The following PRKN variants were observed in gnomAD, a reference collection of about 807,000 sequenced individuals.
The protein encoded by PRKN is parkin RBR E3 ubiquitin protein ligase.
Under a neutral mutation model 59.5 loss-of-function variants are expected in PRKN, and 56 were observed. The ratio of observed to expected loss-of-function variants is 0.94; its 90% CI spans 0.76 to 1.18. The LOEUF (loss-of-function observed/expected upper bound fraction) is 1.18. Ranked by LOEUF, PRKN falls within the 50% of genes most tolerant of loss-of-function variation. PRKN has a pLI of 0.00. For missense variants in PRKN, 657 were observed against 596.4 expected (o/e 1.10, Z -1.06); for synonymous variants, 250 against 222.1 (o/e 1.13, Z -1.12).
At chr6:161,638,138 G>GT (rs201712962) in intron 7 of PRKN, among the ~76,000 whole-genome samples, 7,833 of 146,872 alleles carry the variant, frequency 0.053, 306 homozygotes, top group South Asian at 0.097. Context: ...TTCACCCCTG[G>GT]TTTTTTTTTT....
intron 7 of PRKN, among the ~76,000 whole-genome samples, chr6:161,573,125 CAGG>C (rs1299746585): frequency 6.6e-6 from 1 of 152,118 alleles, no homozygotes; most frequent in Non-Finnish European, 1.5e-5. Flanking sequence ...GGTAGAGTCA[CAGG>C]AGAAGTTGTG....
intron 1 of PRKN, among the ~76,000 whole-genome samples, chr6:162,480,914 T>C (rs1562319066): frequency 6.6e-6 from 1 of 152,062 alleles, no homozygotes; most frequent in Non-Finnish European, 1.5e-5. Context: ...CAAGTGATTC[T>C]CCCGCCTCAG....
intron 1 of PRKN, among the ~76,000 whole-genome samples, chr6:162,455,023 C>T (rs750347349): frequency 2.0e-5 from 3 of 152,166 alleles, no homozygotes; most frequent in Non-Finnish European, 4.4e-5. Context: ...TACAGATACA[C>T]AGTAAAGAGG....
At chr6:162,225,316 C>T (rs1434636324) in intron 3 of PRKN, among the ~76,000 whole-genome samples, 1 of 152,164 alleles carries the variant, frequency 6.6e-6, no homozygotes, top group Admixed American at 6.5e-5. Flanking sequence ...TTCCCACCAC[C>T]TTTAAACCAA....
chr6:161,641,486 TC>T (rs914970421), intron 7 of PRKN, among the ~76,000 whole-genome samples: 7 of 152,018 alleles, frequency 4.6e-5, no homozygotes, highest in African/African-American at 1.7e-4. Flanking sequence ...ACCAATCAGC[TC>T]CCCACTTTTC....
intron 7 of PRKN, among the ~76,000 whole-genome samples, chr6:161,573,755 A>AAT (rs1225362601): frequency 0.018 from 545 of 30,288 alleles, 14 homozygotes; most frequent in East Asian, 0.025. Context: ...AAAAAAAAAA[A>AAT]ATATATATAT....
At chr6:162,270,661 C>A (rs1446430496) in intron 2 of PRKN, 1 of 152,154 alleles carries the variant, frequency 6.6e-6, no homozygotes, top group Non-Finnish European at 1.5e-5. Flanking sequence ...AATGATCAGA[C>A]TAATTTAAAA....
At chr6:162,226,679 G>GC (rs1778194091) in intron 3 of PRKN, among the ~76,000 whole-genome samples, 2 of 152,082 alleles carry the variant, frequency 1.3e-5, no homozygotes, top group Admixed American at 1.3e-4. Flanking sequence ...GACTACAGGC[G>GC]CCTGCTACCA....
At chr6:162,712,892 A>G (rs1778588422) in intron 1 of PRKN, among the ~76,000 whole-genome samples, 1 of 152,348 alleles carries the variant, frequency 6.6e-6, no homozygotes, top group Admixed American at 6.5e-5. Flanking sequence ...TGAAACCTCC[A>G]CATAAAACTA....
intron 2 of PRKN, among the ~76,000 whole-genome samples, chr6:162,332,734 G>A (rs1783639364): frequency 6.6e-6 from 1 of 152,038 alleles, no homozygotes. Context: ...CCCTCCACAT[G>A]AGACACTGGC....
At chr6:162,327,120 A>G (rs1783325691) in intron 2 of PRKN, among the ~76,000 whole-genome samples, 1 of 152,166 alleles carries the variant, frequency 6.6e-6, no homozygotes, top group Non-Finnish European at 1.5e-5. Context: ...CGCCCTTCCA[A>G]TCTAACCTTC....
rs1286970144 is a variant in PRKN, at chr6:161,469,252, G to A, written c.1083+79602C>T. On this transcript the variant is annotated intron_variant, in intron 9 of 11. Transcript: ENST00000366898. Reference sequence around the variant, plus strand: ...TAGTGAGTGAGTTCTCAGAAGATCTGACTTTTTTTATAAGAGGCTTCCCCC... The same window carrying A: ...TAGTGAGTGAGTTCTCAGAAGATCTAACTTTTTTTATAAGAGGCTTCCCCC... Among the ~76,000 whole-genome samples the A allele has an allele frequency of 2.7e-5, 4 of 150,416 alleles. No individual in the cohort carries two copies. In the East Asian group the frequency reaches 5.8e-4, roughly 22 times the overall value.
At chr6:162,388,094 G>A (rs1056418091) in intron 2 of PRKN, among the ~76,000 whole-genome samples, 1 of 152,172 alleles carries the variant, frequency 6.6e-6, no homozygotes, top group African/African-American at 2.4e-5. Context: ...TGTTATTTTA[G>A]GAGAAGGCTG....
intron 1 of PRKN, among the ~76,000 whole-genome samples, chr6:162,529,394 C>T (rs1053552158): frequency 6.6e-6 from 1 of 152,090 alleles, no homozygotes; most frequent in Non-Finnish European, 1.5e-5. Flanking sequence ...ATTCCCCTGC[C>T]AAAACAGAAT....
chr6:161,750,364 T>C (rs1193154539), intron 7 of PRKN, among the ~76,000 whole-genome samples: 1 of 152,178 alleles, frequency 6.6e-6, no homozygotes, highest in Non-Finnish European at 1.5e-5. Flanking sequence ...TATTTCTGAA[T>C]AATTGTTGAA....
intron 7 of PRKN, among the ~76,000 whole-genome samples, chr6:161,596,356 C>T (rs1446389417): frequency 6.6e-6 from 1 of 152,182 alleles, no homozygotes; most frequent in African/African-American, 2.4e-5. Context: ...AAACAGTTTA[C>T]ACCTAAAAGT....
chr6:162,419,071 C>T (rs187127987), intron 2 of PRKN, among the ~76,000 whole-genome samples: 345 of 151,806 alleles, frequency 2.3e-3, no homozygotes, highest in African/African-American at 8.1e-3. Context: ...CAAGCAGGGG[C>T]GGCAGGGGTG....
At chr6:162,263,822 C>T (rs7750058) in intron 2 of PRKN, among the ~76,000 whole-genome samples, 13,784 of 151,998 alleles carry the variant, frequency 0.091, 1,190 homozygotes, top group African/African-American at 0.22. Flanking sequence ...GGCGTGTTAG[C>T]GTGCGCCTGT....
intron 7 of PRKN, among the ~76,000 whole-genome samples, chr6:161,598,683 G>A (rs1025534133): frequency 2.6e-5 from 4 of 152,238 alleles, no homozygotes; most frequent in Middle Eastern, 6.8e-3. Context: ...TTCCTTCAAA[G>A]CATAAGATAC....
Sources: gnomAD v4.1 joint callset for allele counts (sites outside exome capture counted in the v4.1 genomes callset) on GRCh38, gnomAD v4.1.1 for gene constraint, MANE v1.5 for transcripts, NCBI Gene and HGNC (gene_info 2026-07-23, HGNC 2026-07-21) for gene names.